The following SEMA4C variants were observed in gnomAD, a reference collection of about 807,000 sequenced individuals.
The protein encoded by SEMA4C is semaphorin-4C.
In SEMA4C, 19 loss-of-function variants were observed where a neutral mutation model predicts 89.0. That is an observed-to-expected ratio of 0.21 (90% CI 0.15 to 0.31). SEMA4C has a LOEUF of 0.31. Among genes scored for constraint, SEMA4C ranks in the 10% least tolerant of loss-of-function variants. The pLI, the probability that SEMA4C is intolerant of heterozygous loss-of-function variation, is 1.00. For missense variants in SEMA4C, 811 were observed against 1,107.0 expected, an observed-to-expected ratio of 0.73 and a Z score of 3.79; for synonymous variants, 428 against 472.7, an observed-to-expected ratio of 0.91 and a Z score of 1.23.
Position 96,867,801 on chromosome 2 carries a change from G to C in SEMA4C, c.86C>G (p.Pro29Arg), listed in dbSNP as rs912793378. 6.2e-7 allele frequency: 1 copy of C among 1,613,312 alleles called. No homozygotes were observed. Among genetic ancestry groups the C allele is most frequent in the Non-Finnish European group, 8.5e-7 (1 of 1,179,822 alleles). ...ACCCCCAGAAGACACTGTCTTACGC[G>C]GCACAAGGTTCCACCACACCTCAGC... ...IGAEVWWNLVPRKTVSSGELA... is the reference protein window; with the variant it reads ...IGAEVWWNLVRRKTVSSGELA... The change falls in exon 2 of 15, where the codon CCG becomes CGG. Residue 29 changes from proline (P) to arginine (R), a missense_variant. By Grantham distance (103) the Pro-to-Arg change is moderately radical. Around this residue, in one of 4 missense-constraint regions of SEMA4C, gnomAD observed 119 missense variants for 152.7 expected, o/e 0.78. Transcript: ENST00000305476.
In SEMA4C at chr2:96,860,564, T is replaced by C. The variant is rs1472646680; in HGVS notation, c.*62A>G. 6.9e-7 allele frequency: 1 copy of C among 1,440,050 alleles called. No individual in the cohort carries two copies. Among genetic ancestry groups the C allele is most frequent in the African/African-American group, 1.4e-5 (1 of 70,988 alleles). The allele number at this position is 1,440,050 out of a possible 1,614,324, so 89.2% of individuals were successfully genotyped here. Reference sequence around the variant, plus strand: ...CGTGCCATGTCCCTGAGGTAGCTGGTGCCTGTGCAAAAGTAGGAGCTACAC... The same window carrying C: ...CGTGCCATGTCCCTGAGGTAGCTGGCGCCTGTGCAAAAGTAGGAGCTACAC... On this transcript the variant is annotated 3_prime_UTR_variant, in exon 15 of 15. Transcript: ENST00000305476.
intron 1 of SEMA4C, chr2:96,868,560 T>C (rs1160826515): frequency 4.1e-6 from 4 of 985,664 alleles, no homozygotes; most frequent in Non-Finnish European, 4.8e-6. Flanking sequence ...GGGCCCAGCT[T>C]CCCGAGGCCC....
chr2:96,870,365 G>GA (rs2080176064), upstream of SEMA4C: 1 of 945,356 alleles, frequency 1.1e-6, no homozygotes. Context: ...GGCCACGGGG[G>GA]AATCACACTC....
chr2:96,867,975 G>A, intron 1 of SEMA4C, 52 bp from the exon 2 acceptor site: 2 of 1,597,648 alleles, frequency 1.3e-6, no homozygotes, highest in Non-Finnish European at 1.7e-6. Context: ...AAGCAAACCA[G>A]AGGGGCCCGC....
In SEMA4C at chr2:96,863,762, C is replaced by T; in HGVS notation, c.1363G>A (p.Gly455Arg). The T allele has an allele frequency of 6.2e-7, 1 of 1,613,994 alleles. No homozygotes were observed. Among genetic ancestry groups the T allele is most frequent in the Non-Finnish European group, 8.5e-7 (1 of 1,180,036 alleles). Residue 455 changes from glycine to arginine, a missense_variant, in exon 12 of 15, where the codon GGG (glycine) becomes AGG (arginine). Gly to Arg is a moderately radical substitution (Grantham distance 125, BLOSUM62 -2). Coordinates refer to ENST00000305476, the MANE Select transcript of SEMA4C (RefSeq NM_017789.5). Reference sequence around the variant, plus strand: ...TCCTCAATCAGGTGAACCCAGGGCCCCAGGCTCACAGCCTTGAGCAGCCAG... The same window carrying T: ...TCCTCAATCAGGTGAACCCAGGGCCTCAGGCTCACAGCCTTGAGCAGCCAG... ...DGWLLKAVSLGPWVHLIEELQ... is the reference protein window; with the variant it reads ...DGWLLKAVSLRPWVHLIEELQ...
chr2:96,869,002 T>TC (rs1467705972), intron 1 of SEMA4C: 27 of 984,592 alleles, frequency 2.7e-5, no homozygotes, highest in Non-Finnish European at 3.6e-6. Flanking sequence ...CCGTCCCGGG[T>TC]CCCCCCGGGT....
Position 96,864,428 on chromosome 2 carries a change from C to T in SEMA4C, c.963-46G>A. The T allele has an allele frequency of 1.2e-6, 2 of 1,606,862 alleles. No homozygotes were observed. The highest frequency in any genetic ancestry group is 2.2e-5 in the East Asian group (1 of 44,866). On this transcript the variant is annotated intron_variant, in intron 9 of 14. Coordinates refer to ENST00000305476, the MANE Select transcript of SEMA4C (RefSeq NM_017789.5). This position sits in a 1 kb window ranked among gnomAD's most constrained non-coding sequence, Gnocchi z 6.3. ...CCAGGGTCAGGTACCCACCTTATCT[C>T]TTCCCACCCCAGCTAAGGGCAAGCA...
At chr2:96,867,208 G>C (rs1165127925) in intron 2 of SEMA4C, among the ~76,000 whole-genome samples, 1 of 152,220 alleles carries the variant, frequency 6.6e-6, no homozygotes, top group Non-Finnish European at 1.5e-5. Context: ...GCATGGCAGG[G>C]CTTCACTGGC....
intron 2 of SEMA4C, among the ~76,000 whole-genome samples, chr2:96,867,481 C>T (rs1345091320): frequency 2.6e-5 from 4 of 152,154 alleles, no homozygotes; most frequent in African/African-American, 4.8e-5. Context: ...ATATTTATCC[C>T]GGTTCCAGTT....
rs376901129 is a variant in SEMA4C, at chr2:96,861,907, C to T, written c.1444-13G>A. 26 of 1,599,638 alleles carry T rather than the reference C, an allele frequency of 1.6e-5. No homozygotes were observed. The highest frequency in any genetic ancestry group is 3.3e-5 in the South Asian group (3 of 89,904). ...CAAAGAGCAGCTTCTGCGAGAAAAGCGGGGCGCAGGAGGGGGGTCGGCCAG... is the reference window on the plus strand; with the variant it reads ...CAAAGAGCAGCTTCTGCGAGAAAAGTGGGGCGCAGGAGGGGGGTCGGCCAG... On this transcript the variant is annotated splice_polypyrimidine_tract_variant and intron_variant, in intron 12 of 14. Coordinates refer to ENST00000305476, the MANE Select transcript of SEMA4C (RefSeq NM_017789.5). The surrounding 1 kb of genome is among the most constrained non-coding windows in gnomAD (Gnocchi z 7.8).
upstream of SEMA4C, chr2:96,870,544 G>A (rs1283047462): frequency 1.0e-6 from 1 of 985,458 alleles, no homozygotes; most frequent in Non-Finnish European, 1.2e-6. Flanking sequence ...GACCAGAGGG[G>A]TCTGCCGTTT....
chr2:96,864,454 G>C lies in SEMA4C; in HGVS notation c.963-72C>G, dbSNP rs962619535. ...TTCCCACCCCAGCTAAGGGCAAGCA[G>C]CAGGAAGGCAGGGCCTGGCACAAAC... is the stretch of plus-strand genomic sequence containing the variant. On this transcript the variant is annotated intron_variant, in intron 9 of 14. Coordinates refer to ENST00000305476, the MANE Select transcript of SEMA4C (RefSeq NM_017789.5). The surrounding 1 kb of genome is among the most constrained non-coding windows in gnomAD (Gnocchi z 6.3). 2.5e-6 allele frequency: 4 copies of C among 1,586,610 alleles called. No homozygotes were observed. In the East Asian group the frequency reaches 6.7e-5, roughly 27 times the overall value.
chr2:96,866,287 C>A lies in SEMA4C; in HGVS notation c.254G>T (p.Gly85Val). 1 of 1,609,032 alleles carries A rather than the reference C, an allele frequency of 6.2e-7. No individual in the cohort carries two copies. The highest frequency in any genetic ancestry group is 1.1e-5 in the South Asian group (1 of 90,932). The change falls in exon 3 of 15, where the codon GGA (glycine) becomes GTA (valine). Residue 85 changes from glycine to valine, a missense_variant. Physicochemically the swap from Gly to Val is moderately radical, Grantham distance 109. Coordinates refer to ENST00000305476, the MANE Select transcript of SEMA4C (RefSeq NM_017789.5). ...TCCCACTGCCCCACCTCTCACCGCTCCTTGCAGCTCCAGGGCCTCCATGCT... is the reference window on the plus strand; with the variant it reads ...TCCCACTGCCCCACCTCTCACCGCTACTTGCAGCTCCAGGGCCTCCATGCT... ...AFSMEALELQ[G>V]AISWEAPVEK...
intron 1 of SEMA4C, 43 bp downstream of exon 1, chr2:96,869,833 G>A (rs1404274488): frequency 2.0e-6 from 2 of 985,170 alleles, no homozygotes; most frequent in Admixed American, 6.2e-5. Context: ...GGCGGCTCCG[G>A]GGCCCCGCGG....
chr2:96,867,771 C>A lies in SEMA4C; in HGVS notation c.109+7G>T, dbSNP rs763764624. 1.7e-5 allele frequency: 28 copies of A among 1,612,718 alleles called. No homozygotes were observed. The African/African-American group carries it at 2.8e-4, about 16-fold the overall frequency. On this transcript the variant is annotated splice_region_variant and intron_variant, in intron 2 of 14. Transcript: ENST00000305476. ...CTGACTTCCTCCTCACCCCTCCAGG[C>A]ACTCACCCCCAGAAGACACTGTCTT...
At position 96,860,675 on chromosome 2, in the gene SEMA4C, T is replaced by C. The variant is rs1197532677; in HGVS notation, c.2453A>G (p.Gln818Arg). 18 of 1,612,986 alleles carry C rather than the reference T, an allele frequency of 1.1e-5. No homozygotes were observed. Among genetic ancestry groups the C allele is most frequent in the Non-Finnish European group, 1.4e-5 (16 of 1,179,788 alleles). Residue 818 changes from glutamine to arginine, a missense_variant, in exon 15 of 15, where the codon CAG (glutamine) becomes CGG (arginine). Physicochemically the swap from Gln to Arg is conservative, Grantham distance 43. Around this residue, in one of 4 missense-constraint regions of SEMA4C, gnomAD observed 248 missense variants for 269.0 expected, o/e 0.92. Transcript: ENST00000305476. The stretch of plus-strand genomic sequence containing the variant: ...GGAGTCGGGCAGTGGCTGGCGTTGC[T>C]GCAGTTTGCGTCTCAGTTCATCCGC... ...ELADELRRKL[Q>R]QRQPLPDSNP...
At position 96,863,469 on chromosome 2, in the gene SEMA4C, A is replaced by G. The variant is rs1055480724; in HGVS notation, c.1443+213T>C. ...GAGCGCAGCCCCGTGACCTGGCTATATATAATGGCCCTGTGCAGTGCAGAT... is the reference window on the plus strand; with the variant it reads ...GAGCGCAGCCCCGTGACCTGGCTATGTATAATGGCCCTGTGCAGTGCAGAT... On this transcript the variant is annotated intron_variant, in intron 12 of 14. Coordinates refer to ENST00000305476, the MANE Select transcript of SEMA4C (RefSeq NM_017789.5). 1.6e-5 allele frequency: 21 copies of G among 1,325,350 alleles called. No individual in the cohort carries two copies. In the African/African-American group the frequency reaches 3.0e-4, roughly 19 times the overall value. The allele number at this position is 1,325,350 out of a possible 1,614,324, so 82.1% of individuals were successfully genotyped here. A position where few individuals can be genotyped will look rare whatever the true frequency, so the allele number is the denominator to read the frequency against.
chr2:96,868,372 G>A lies in SEMA4C; in HGVS notation c.-37-449C>T, dbSNP rs2080129760. ...AGGAAGACTCCTTAGGGCGACGAGG[G>A]CATGCGGTGGGGTAGGCGGTCGGGA... On this transcript the variant is annotated intron_variant, in intron 1 of 14. Coordinates refer to ENST00000305476, the MANE Select transcript of SEMA4C (RefSeq NM_017789.5). 3 of 968,570 alleles carry A rather than the reference G, an allele frequency of 3.1e-6. No homozygotes were observed. In the African/African-American group the frequency reaches 5.2e-5, roughly 17 times the overall value. The allele number at this position is 968,570 out of a possible 1,614,324, so 60.0% of individuals were successfully genotyped here.
chr2:96,870,765 G>A (rs2080181099), upstream of SEMA4C: 1 of 985,336 alleles, frequency 1.0e-6, no homozygotes, highest in African/African-American at 1.7e-5. Flanking sequence ...CTACTGTTCA[G>A]ATGAAAGGGG....
Sources: gnomAD v4.1 joint callset for allele counts (sites outside exome capture counted in the v4.1 genomes callset) on GRCh38, gnomAD v4.1.1 for gene constraint, gnomAD v4.1.1 regional missense constraint, Gnocchi (gnomAD v3.1) non-coding constraint, MANE v1.5 for transcripts, NCBI Gene and HGNC (gene_info 2026-07-23, HGNC 2026-07-21) for gene names.